Variants in KHDRBS2 observed in about 807,000 individuals in gnomAD.
The protein encoded by KHDRBS2 is KH domain-containing, RNA-binding, signal transduction-associated protein 2.
In KHDRBS2, 26 loss-of-function variants were observed where a neutral mutation model predicts 44.3. The ratio of observed to expected loss-of-function variants is 0.59; its 90% confidence interval spans 0.43 to 0.81. The LOEUF is 0.81. KHDRBS2 is among the 40% of genes least tolerant of loss of function. KHDRBS2 has a pLI of 0.00. For synonymous variants in KHDRBS2, 194 were observed against 151.1 expected (o/e 1.28, Z -2.08); for missense variants, 476 against 433.1 (o/e 1.10, Z -0.88).
intron 6 of KHDRBS2, among the ~76,000 whole-genome samples, chr6:61,757,384 C>T (rs1156697114): frequency 6.6e-6 from 1 of 152,150 alleles, no homozygotes; most frequent in Non-Finnish European, 1.5e-5. Context: ...TTGTCACATA[C>T]TCCCCGTCAA....
chr6:61,870,412 C>T (rs1798493821), intron 6 of KHDRBS2, among the ~76,000 whole-genome samples: 1 of 152,178 alleles, frequency 6.6e-6, no homozygotes, highest in African/African-American at 2.4e-5. Flanking sequence ...ATAGATAAAA[C>T]ACCCATCTGC....
the KHDRBS2 span, among the ~76,000 whole-genome samples, chr6:61,594,760 T>C: frequency 2.7e-3 from 414 of 152,260 alleles, 3 homozygotes; most frequent in African/African-American, 9.7e-3. Context: ...TTCAGATGCC[T>C]CAGGGGCTGT....
chr6:61,830,772 C>T (rs189827855), intron 6 of KHDRBS2, among the ~76,000 whole-genome samples: 1 of 152,170 alleles, frequency 6.6e-6, no homozygotes, highest in East Asian at 1.9e-4. Context: ...AGTTGGAATA[C>T]ATGCTTGAGC....
At chr6:61,674,972 T>G (rs983029344), downstream of KHDRBS2, among the ~76,000 whole-genome samples, 1 of 151,874 alleles carries the variant, frequency 6.6e-6, no homozygotes, top group Middle Eastern at 3.4e-3. Context: ...TTCGTATAAT[T>G]TGTAAAGATC....
chr6:61,631,609 A>G, the KHDRBS2 span, among the ~76,000 whole-genome samples: 4 of 152,148 alleles, frequency 2.6e-5, no homozygotes, highest in Non-Finnish European at 5.9e-5. Flanking sequence ...GACTTGATAG[A>G]AATAGGAGAT....
At chr6:61,898,385 A>T (rs1183699349) in intron 5 of KHDRBS2, among the ~76,000 whole-genome samples, 2 of 152,024 alleles carry the variant, frequency 1.3e-5, no homozygotes, top group East Asian at 3.8e-4. Flanking sequence ...TACATGTAAT[A>T]CATTTAATGT....
chr6:61,912,669 T>C (rs1323135371), intron 4 of KHDRBS2, among the ~76,000 whole-genome samples: 2 of 152,188 alleles, frequency 1.3e-5, no homozygotes, highest in African/African-American at 2.4e-5. Context: ...CAAGATCTGC[T>C]AATTCCACAG....
intron 7 of KHDRBS2, among the ~76,000 whole-genome samples, chr6:61,715,931 G>GTAT (rs1193030998): frequency 6.6e-6 from 1 of 151,498 alleles, no homozygotes; most frequent in Non-Finnish European, 1.5e-5. Flanking sequence ...AAAAATCAGA[G>GTAT]TATTGCACAG....
the KHDRBS2 span, among the ~76,000 whole-genome samples, chr6:61,601,431 T>G: frequency 2.6e-5 from 4 of 152,174 alleles, no homozygotes; most frequent in Non-Finnish European, 5.9e-5. Context: ...TATTTTCTTC[T>G]GCAACACCAC....
At chr6:62,198,369 A>G (rs924047484) in intron 1 of KHDRBS2, among the ~76,000 whole-genome samples, 1 of 152,162 alleles carries the variant, frequency 6.6e-6, no homozygotes, top group Non-Finnish European at 1.5e-5. Context: ...AGAGAGAAGA[A>G]TCAAATAGAC....
chr6:61,659,235 G>A, the KHDRBS2 span: 16 of 151,930 alleles, frequency 1.1e-4, no homozygotes, highest in African/African-American at 3.6e-4. Flanking sequence ...ATGCACAATA[G>A]TTAATATAAA....
At chr6:62,182,882 C>A (rs956137770) in intron 1 of KHDRBS2, among the ~76,000 whole-genome samples, 1 of 151,806 alleles carries the variant, frequency 6.6e-6, no homozygotes, top group Non-Finnish European at 1.5e-5. Flanking sequence ...TTATTTAATA[C>A]TCTTTCTGAA....
intron 2 of KHDRBS2, among the ~76,000 whole-genome samples, chr6:62,111,107 T>C (rs1289547704): frequency 1.3e-5 from 2 of 152,116 alleles, no homozygotes; most frequent in Non-Finnish European, 2.9e-5. Context: ...TTGCTGCAAT[T>C]TAATTGTATT....
the KHDRBS2 span, among the ~76,000 whole-genome samples, chr6:61,628,880 T>A: frequency 3.9e-5 from 6 of 152,220 alleles, no homozygotes; most frequent in Admixed American, 2.6e-4. Context: ...ATATAACTTT[T>A]TGTGATCTCA....
intron 8 of KHDRBS2, 46 bp from the exon 9 acceptor site, chr6:61,681,106 A>C (rs1224584033): frequency 1.5e-6 from 2 of 1,307,172 alleles, no homozygotes; most frequent in Non-Finnish European, 2.2e-6. Context: ...CTTCACAGTT[A>C]CCAAAAATAG....
intron 1 of KHDRBS2, among the ~76,000 whole-genome samples, chr6:62,208,338 T>C (rs1828394736): frequency 6.6e-6 from 1 of 152,184 alleles, no homozygotes; most frequent in Non-Finnish European, 1.5e-5. Context: ...CAAATGGTCC[T>C]CATGCTTCAG....
the KHDRBS2 span, among the ~76,000 whole-genome samples, chr6:61,631,052 T>C: frequency 6.6e-6 from 1 of 151,958 alleles, no homozygotes; most frequent in Admixed American, 6.6e-5. Context: ...ATCCAAATTT[T>C]GGAAGTGGGA....
rs147879361 is a variant in KHDRBS2 at position 62,059,528 on chromosome 6, G to T, written c.220-11534C>A. The stretch of plus-strand genomic sequence containing the variant: ...AGTTGGAGGGAATATGAAGAGAGTA[G>T]TGTGAAGTAGTAATCAAAATAAATT... On this transcript the variant is annotated intron_variant, in intron 2 of 8. Coordinates refer to ENST00000281156, the MANE Select transcript of KHDRBS2 (RefSeq NM_152688.4). 1.4e-3 allele frequency among the ~76,000 whole-genome samples: 219 copies of T among 151,772 alleles called. 2 individuals are homozygous for T. Among genetic ancestry groups the T allele is most frequent in the Middle Eastern group, 3.4e-3 (1 of 294 alleles).
chr6:62,048,885 A>T (rs184093762), intron 2 of KHDRBS2, among the ~76,000 whole-genome samples: 37 of 152,074 alleles, frequency 2.4e-4, no homozygotes, highest in Admixed American at 1.6e-3. Flanking sequence ...AACATAAAGA[A>T]CAATGATAAG....
Sources: allele counts gnomAD v4.1 joint callset (sites outside exome capture counted in the v4.1 genomes callset), GRCh38; gene constraint gnomAD v4.1.1; transcripts MANE v1.5; gene names NCBI Gene and HGNC (gene_info 2026-07-23, HGNC 2026-07-21).